Variants in CLSTN2 observed in about 807,000 individuals in gnomAD.
CLSTN2 encodes calsyntenin 2.
CLSTN2 carries 48 observed loss-of-function variants against 101.2 expected under a neutral mutation model. The observed-to-expected ratio is 0.47, with a 90% CI of 0.38 to 0.60. CLSTN2 has a LOEUF of 0.60. CLSTN2 is among the 20% of genes least tolerant of loss of function. The pLI, the probability that CLSTN2 is intolerant of heterozygous loss-of-function variation, is 0.00. For synonymous variants in CLSTN2, 481 were observed against 463.6 expected (o/e 1.04, Z -0.48); for missense variants, 1,160 against 1,238.2 (o/e 0.94, Z 0.95).
intron 2 of CLSTN2, among the ~76,000 whole-genome samples, chr3:140,306,397 T>C (rs2087114269): frequency 6.6e-6 from 1 of 151,966 alleles, no homozygotes; most frequent in East Asian, 1.9e-4. Flanking sequence ...GACAGCAACA[T>C]GTTTAGAAAA....
intron 8 of CLSTN2, among the ~76,000 whole-genome samples, chr3:140,472,152 T>A (rs1422516917): frequency 6.6e-6 from 1 of 152,128 alleles, no homozygotes; most frequent in Non-Finnish European, 1.5e-5. Context: ...AGAGGGTCCC[T>A]TCAACCCAGG....
In CLSTN2 at chr3:139,952,954, C is replaced by T. The variant is rs984064085; in HGVS notation, c.109+17471C>T. Among the ~76,000 whole-genome samples the T allele has an allele frequency of 7.9e-5, 12 of 152,134 alleles. No individual in the cohort carries two copies. The South Asian group carries it at 8.3e-4, about 10-fold the overall frequency. ...GGTGGTCACAAAATCAGGTCTGAAACGGCCCCATATTCTACCCATAGCCAG... is the reference window on the plus strand; with the variant it reads ...GGTGGTCACAAAATCAGGTCTGAAATGGCCCCATATTCTACCCATAGCCAG... On this transcript the variant is annotated intron_variant, in intron 1 of 16. Coordinates refer to ENST00000458420, the MANE Select transcript of CLSTN2 (RefSeq NM_022131.3).
chr3:140,254,522 C>A (rs2086589090), intron 2 of CLSTN2, among the ~76,000 whole-genome samples: 2 of 152,034 alleles, frequency 1.3e-5, no homozygotes, highest in African/African-American at 4.8e-5. Flanking sequence ...TTATGAAGAG[C>A]CTGTGTGTGT....
chr3:140,069,013 A>G (rs1240961924), intron 1 of CLSTN2, among the ~76,000 whole-genome samples: 1 of 152,206 alleles, frequency 6.6e-6, no homozygotes, highest in Non-Finnish European at 1.5e-5. Flanking sequence ...CATAGTAGGT[A>G]TTCAATAACA....
At chr3:140,077,867 T>C (rs1425597252) in intron 1 of CLSTN2, among the ~76,000 whole-genome samples, 2 of 106,250 alleles carry the variant, frequency 1.9e-5, no homozygotes, top group Non-Finnish European at 3.6e-5. Context: ...CATTTAACTG[T>C]TTGATAATTT....
intron 2 of CLSTN2, among the ~76,000 whole-genome samples, chr3:140,351,538 C>T (rs1316184519): frequency 6.6e-6 from 1 of 152,190 alleles, no homozygotes; most frequent in East Asian, 1.9e-4. Flanking sequence ...GGTCAGCAAA[C>T]TAGTTCTGTT....
chr3:140,111,765 T>C (rs559704948), intron 1 of CLSTN2, among the ~76,000 whole-genome samples: 1 of 152,202 alleles, frequency 6.6e-6, no homozygotes, highest in East Asian at 1.9e-4. Flanking sequence ...TTGGAACAAC[T>C]AAAGAGTATT....
intron 1 of CLSTN2, among the ~76,000 whole-genome samples, chr3:140,078,574 G>A (rs535395672): frequency 6.6e-6 from 1 of 152,162 alleles, no homozygotes; most frequent in East Asian, 1.9e-4. Flanking sequence ...CCACAGCCTG[G>A]AATTATTATG....
At chr3:140,330,816 G>A (rs1180024849) in intron 2 of CLSTN2, among the ~76,000 whole-genome samples, 1 of 152,208 alleles carries the variant, frequency 6.6e-6, no homozygotes, top group Non-Finnish European at 1.5e-5. Context: ...CAAGGTGAGA[G>A]CATTGTACCC....
intron 5 of CLSTN2, among the ~76,000 whole-genome samples, chr3:140,447,850 G>A (rs955159315): frequency 1.4e-4 from 21 of 152,182 alleles, no homozygotes; most frequent in African/African-American, 3.9e-4. Context: ...TATTGCACAA[G>A]TACTACAATA....
chr3:140,211,135 C>G (rs912413992), intron 2 of CLSTN2, among the ~76,000 whole-genome samples: 12 of 152,020 alleles, frequency 7.9e-5, no homozygotes, highest in Non-Finnish European at 1.8e-4. Flanking sequence ...TCTGGACTGG[C>G]TGTCAGGAGA....
intron 8 of CLSTN2, among the ~76,000 whole-genome samples, chr3:140,469,417 G>A (rs60927037): frequency 0.016 from 2,406 of 152,268 alleles, 75 homozygotes; most frequent in African/African-American, 0.054. Context: ...GCAACCCAGA[G>A]ACCCCTCTTT....
intron 1 of CLSTN2, among the ~76,000 whole-genome samples, chr3:140,055,957 A>C (rs1193215315): frequency 1.3e-5 from 2 of 152,226 alleles, no homozygotes; most frequent in African/African-American, 2.4e-5. Context: ...ACACAATGGC[A>C]CTCATCATTG....
rs757436852 is a variant in CLSTN2 at position 140,566,673 on chromosome 3, A to C, written c.*420A>C. On this transcript the variant is annotated 3_prime_UTR_variant, in exon 17 of 17. Coordinates refer to ENST00000458420, the MANE Select transcript of CLSTN2 (RefSeq NM_022131.3). ...TCCACACAGACCAGTAGGTTCTCCT[A>C]TGCTGACTCCAGGTTGCTTCATACA... The C allele has an allele frequency of 4.7e-6, 1 of 211,574 alleles. No individual in the cohort carries two copies. The highest frequency in any genetic ancestry group is 9.8e-6 in the Non-Finnish European group (1 of 102,106). The allele number at this position is 211,574 out of a possible 1,614,324, so 13.1% of individuals were successfully genotyped here.
intron 2 of CLSTN2, among the ~76,000 whole-genome samples, chr3:140,389,824 A>T (rs190472744): frequency 2.0e-5 from 3 of 152,204 alleles, no homozygotes; most frequent in Admixed American, 2.0e-4. Context: ...ATCTATTTTG[A>T]CTTGCATGAG....
intron 1 of CLSTN2, among the ~76,000 whole-genome samples, chr3:139,948,514 C>A (rs1178634300): frequency 1.3e-5 from 2 of 152,032 alleles, no homozygotes; most frequent in Admixed American, 6.6e-5. Context: ...TGATCAGAAC[C>A]AGCCAACCTT....
chr3:140,546,434 G>A, intron 9 of CLSTN2, 81 bp from the exon 10 acceptor site: 1 of 1,439,522 alleles, frequency 6.9e-7, no homozygotes, highest in South Asian at 1.3e-5. Context: ...AGGCGTCTTT[G>A]GCTGCATGGC....
At chr3:140,524,519 T>C (rs1301451894) in intron 8 of CLSTN2, among the ~76,000 whole-genome samples, 1 of 152,314 alleles carries the variant, frequency 6.6e-6, no homozygotes, top group East Asian at 1.9e-4. Flanking sequence ...CCACTGACAG[T>C]GTTAGTCAGA....
At chr3:140,561,046 C>T (rs1403801816) in intron 12 of CLSTN2, among the ~76,000 whole-genome samples, 2 of 151,518 alleles carry the variant, frequency 1.3e-5, no homozygotes, top group Admixed American at 6.6e-5. Context: ...CATTTAAAAA[C>T]TTAAAAGATA....
Sources: allele counts gnomAD v4.1 joint callset (sites outside exome capture counted in the v4.1 genomes callset), GRCh38; gene constraint gnomAD v4.1.1; transcripts MANE v1.5; gene names NCBI Gene and HGNC (gene_info 2026-07-23, HGNC 2026-07-21).